ZNF365: variants seen among roughly 807,000 people sequenced by gnomAD.
ZNF365 encodes zinc finger protein 365, also known as protein ZNF365.
In ZNF365, 22 loss-of-function variants were observed where a neutral mutation model predicts 35.0. The observed-to-expected ratio is 0.63, with a 90% CI of 0.45 to 0.90. ZNF365 has a LOEUF of 0.90. Ranked by LOEUF, ZNF365 falls within the 40% of genes least tolerant of loss-of-function variation. The pLI is 0.00. For synonymous variants in ZNF365, 188 were observed against 196.2 expected (o/e 0.96, Z 0.35); for missense variants, 448 against 500.3 (o/e 0.90, Z 1.00).
chr10:62,428,314 T>A (rs1435110491), intron 3 of ZNF365, among the ~76,000 whole-genome samples: 2 of 152,144 alleles, frequency 1.3e-5, no homozygotes, highest in African/African-American at 4.8e-5. Flanking sequence ...GAATTGTAGT[T>A]CCCATAATCC....
chr10:62,443,637 T>C (rs1029213476), intron 3 of ZNF365, among the ~76,000 whole-genome samples: 2 of 152,166 alleles, frequency 1.3e-5, no homozygotes, highest in Non-Finnish European at 2.9e-5. Context: ...ATAAATGTGA[T>C]TGTAGCTTTG....
rs1330732935 is a variant in ZNF365 at position 62,401,508 on chromosome 10, T to G, written c.*1719T>G. 2 of 985,432 alleles carry G rather than the reference T, an allele frequency of 2.0e-6. No homozygotes were observed. The highest frequency in any genetic ancestry group is 3.5e-5 in the African/African-American group (2 of 57,224). 61.0% of individuals were successfully genotyped at this position (985,432 alleles called of 1,614,324 possible). On this transcript the variant is annotated 3_prime_UTR_variant, in exon 5 of 5. Coordinates refer to ENST00000395254, the MANE Select transcript of ZNF365 (RefSeq NM_014951.3). The stretch of plus-strand genomic sequence containing the variant: ...TTATGGGGGGGGTAGATCATTCATG[T>G]GATATATAAGCAGCTATCAAGTGGG...
chr10:62,447,254 A>G (rs1256892700), intron 3 of ZNF365, among the ~76,000 whole-genome samples: 1 of 152,190 alleles, frequency 6.6e-6, no homozygotes, highest in East Asian at 1.9e-4. Context: ...GGAAAAGATT[A>G]ACCTCCCCTT....
At chr10:62,414,923 A>G (rs1034676376) in intron 3 of ZNF365, among the ~76,000 whole-genome samples, 5 of 151,676 alleles carry the variant, frequency 3.3e-5, no homozygotes, top group Admixed American at 6.6e-5. Context: ...AATATTTTCT[A>G]TTGACCATTC....
chr10:62,374,756 C>T (rs1839286168), intron 1 of ZNF365, among the ~76,000 whole-genome samples: 2 of 152,206 alleles, frequency 1.3e-5, no homozygotes, highest in Admixed American at 6.5e-5. Flanking sequence ...GACTGGGTTT[C>T]CTCTGGGCCC....
At chr10:62,379,112 T>C (rs1218453669) in intron 2 of ZNF365, among the ~76,000 whole-genome samples, 1 of 150,510 alleles carries the variant, frequency 6.6e-6, no homozygotes, top group Non-Finnish European at 1.5e-5. Context: ...AACCTCTGCC[T>C]CCTGGGTTCA....
chr10:62,415,634 C>A (rs1840062248), intron 3 of ZNF365, among the ~76,000 whole-genome samples: 1 of 152,114 alleles, frequency 6.6e-6, no homozygotes, highest in South Asian at 2.1e-4. Flanking sequence ...GAAAAGCATG[C>A]TACTTTGTGT....
downstream of ZNF365, among the ~76,000 whole-genome samples, chr10:62,405,275 T>C (rs1038924626): frequency 2.6e-5 from 4 of 152,212 alleles, no homozygotes; most frequent in Non-Finnish European, 5.9e-5. Flanking sequence ...TCGTGCCTTC[T>C]TCAGGCATTT....
At position 62,394,427 on chromosome 10, in the gene ZNF365, A is replaced by G. The variant is rs141454110; in HGVS notation, c.925-4313A>G. On this transcript the variant is annotated intron_variant, in intron 3 of 4. Transcript: ENST00000395254. The stretch of plus-strand genomic sequence containing the variant: ...ACCCCAGTAAATATGTGTTAAATGA[A>G]TTACTGCTAGTCCTGATGTAGCAAC... Among the ~76,000 whole-genome samples the G allele has an allele frequency of 2.5e-3, 388 of 152,310 alleles. 1 individual carries two copies. Among genetic ancestry groups the G allele is most frequent in the African/African-American group, 8.5e-3 (355 of 41,562 alleles).
At position 62,376,268 on chromosome 10, in the gene ZNF365, A is replaced by C. The variant is rs777046387; in HGVS notation, c.75A>C (p.Pro25=). Reference sequence around the variant, plus strand: ...TTGAGAATGTTGCTGTGTGCCTGCCATTACGCTGCCCGAGGTGTGGAGACC... The same window carrying C: ...TTGAGAATGTTGCTGTGTGCCTGCCCTTACGCTGCCCGAGGTGTGGAGACC... ...ESFENVAVCL[P]LRCPRCGDHT... The change falls in exon 2 of 5, where the codon CCA becomes CCC. Residue 25 remains proline, a synonymous_variant. Transcript: ENST00000395254. The C allele has an allele frequency of 6.2e-7, 1 of 1,614,142 alleles. No individual in the cohort carries two copies. Among genetic ancestry groups the C allele is most frequent in the East Asian group, 2.2e-5 (1 of 44,880 alleles).
At chr10:62,423,007 A>G (rs1316186156) in intron 3 of ZNF365, among the ~76,000 whole-genome samples, 1 of 152,174 alleles carries the variant, frequency 6.6e-6, no homozygotes, top group Non-Finnish European at 1.5e-5. Context: ...GGCCTCTTTC[A>G]TGGATGGTTT....
intron 3 of ZNF365, among the ~76,000 whole-genome samples, chr10:62,433,211 T>G (rs1305198263): frequency 6.6e-6 from 1 of 152,236 alleles, no homozygotes; most frequent in Non-Finnish European, 1.5e-5. Context: ...AGTAATGAGT[T>G]ACTAAACAGT....
intron 3 of ZNF365, among the ~76,000 whole-genome samples, chr10:62,445,590 T>TAGAA (rs1181014533): frequency 6.6e-6 from 1 of 152,154 alleles, no homozygotes; most frequent in African/African-American, 2.4e-5. Flanking sequence ...AATGGCACTT[T>TAGAA]TCTAGAGTGA....
At chr10:62,430,147 G>A (rs1840311329) in intron 3 of ZNF365, among the ~76,000 whole-genome samples, 2 of 151,584 alleles carry the variant, frequency 1.3e-5, no homozygotes, top group South Asian at 4.2e-4. Context: ...CTAACTCTTT[G>A]GTTATTTGCT....
chr10:62,381,011 G>T (rs1195826985), intron 2 of ZNF365, among the ~76,000 whole-genome samples: 2 of 152,156 alleles, frequency 1.3e-5, no homozygotes, highest in Non-Finnish European at 2.9e-5. Context: ...TAAAATGCTT[G>T]CTGTCTTTCC....
chr10:62,457,637 C>A (rs1840781790), intron 3 of ZNF365, among the ~76,000 whole-genome samples: 1 of 152,200 alleles, frequency 6.6e-6, no homozygotes, highest in Non-Finnish European at 1.5e-5. Context: ...TAGATAGTAT[C>A]CTTTGACACC....
chr10:62,460,323 G>T (rs900048868), intron 4 of ZNF365, among the ~76,000 whole-genome samples: 2 of 152,098 alleles, frequency 1.3e-5, no homozygotes, highest in East Asian at 3.8e-4. Context: ...TTCAAGACCC[G>T]CAGTGGATGC....
chr10:62,395,545 G>A (rs574168936), intron 3 of ZNF365, among the ~76,000 whole-genome samples: 35 of 145,498 alleles, frequency 2.4e-4, no homozygotes, highest in African/African-American at 7.0e-4. Flanking sequence ...TAGTAGAGAC[G>A]GGGGTTTCAC....
chr10:62,384,278 C>G (rs1839489504), intron 2 of ZNF365, among the ~76,000 whole-genome samples: 1 of 152,148 alleles, frequency 6.6e-6, no homozygotes, highest in African/African-American at 2.4e-5. Flanking sequence ...TTCTGAGTCA[C>G]AGGGTTGAGA....
Sources: gnomAD v4.1 joint callset for allele counts (sites outside exome capture counted in the v4.1 genomes callset) on GRCh38, gnomAD v4.1.1 for gene constraint, MANE v1.5 for transcripts, NCBI Gene and HGNC (gene_info 2026-07-23, HGNC 2026-07-21) for gene names.